Variants in ING5 observed in about 807,000 individuals in gnomAD.
ING5 encodes the protein inhibitor of growth family member 5.
In ING5, 17 loss-of-function variants were observed where a neutral mutation model predicts 37.4. The ratio of observed to expected loss-of-function variants is 0.45; its 90% CI spans 0.31 to 0.68. ING5 has a LOEUF of 0.68. Ranked by LOEUF, ING5 falls within the 30% of genes least tolerant of loss-of-function variation. The pLI, the probability that ING5 is intolerant of heterozygous loss-of-function variation, is 0.05. For missense variants in ING5, 233 were observed against 311.9 expected, an observed-to-expected ratio of 0.75 and a Z score of 1.91; for synonymous variants, 123 against 116.6, an observed-to-expected ratio of 1.06 and a Z score of -0.36.
chr2:241,707,672 A>G (rs554836577), intron 2 of ING5, among the ~76,000 whole-genome samples: 4 of 152,310 alleles, frequency 2.6e-5, no homozygotes, highest in Admixed American at 2.0e-4. Flanking sequence ...ACAGAGAGTT[A>G]TTTTATTGTG....
At chr2:241,696,188 G>A (rs1179398483) in intron 2 of ING5, among the ~76,000 whole-genome samples, 2 of 152,074 alleles carry the variant, frequency 1.3e-5, no homozygotes, top group African/African-American at 2.4e-5. Context: ...TGAGGAGTTC[G>A]AGACCAGCCT....
intron 2 of ING5, among the ~76,000 whole-genome samples, chr2:241,705,404 T>C (rs1202211629): frequency 1.4e-5 from 2 of 144,652 alleles, no homozygotes; most frequent in East Asian, 2.1e-4. Flanking sequence ...CTTTTTTTTT[T>C]TTTTTTTTTT....
intron 5 of ING5, among the ~76,000 whole-genome samples, chr2:241,713,107 A>C (rs966921488): frequency 1.4e-5 from 2 of 145,832 alleles, no homozygotes. Flanking sequence ...CCCAAGCTGG[A>C]GTGCAATGGC....
At chr2:241,724,364 C>T (rs1242199940) in intron 7 of ING5, among the ~76,000 whole-genome samples, 3 of 152,148 alleles carry the variant, frequency 2.0e-5, no homozygotes, top group East Asian at 1.9e-4. Context: ...AGAAGGGGTA[C>T]GGAGGCTGTT....
chr2:241,718,134 T>A (rs961195998), intron 5 of ING5, among the ~76,000 whole-genome samples: 7 of 152,068 alleles, frequency 4.6e-5, no homozygotes, highest in African/African-American at 1.7e-4. Flanking sequence ...CGCCTCAGCC[T>A]TCCAAGTAGC....
intron 5 of ING5, among the ~76,000 whole-genome samples, chr2:241,713,019 GA>G (rs2070157896): frequency 6.8e-6 from 1 of 147,986 alleles, no homozygotes; most frequent in Non-Finnish European, 1.5e-5. Context: ...AAAATAAAGA[GA>G]AAAAAAGAGT....
chr2:241,723,086 C>A lies in ING5; in HGVS notation c.618+12C>A, dbSNP rs886771395. The A allele has an allele frequency of 1.9e-6, 3 of 1,614,130 alleles. No homozygotes were observed. The highest frequency in any genetic ancestry group is 2.5e-6 in the Non-Finnish European group (3 of 1,180,046). On this transcript the variant is annotated intron_variant, in intron 6 of 7. Coordinates refer to ENST00000313552, the MANE Select transcript of ING5 (RefSeq NM_032329.6). ...GTGACAATCCAGACGTGAGTGTCGC[C>A]TGCAGGATTCGCGCCATGGGGCGGG... is the stretch of plus-strand genomic sequence containing the variant.
At chr2:241,724,131 A>G (rs1317151123) in intron 7 of ING5, 3 of 1,120,048 alleles carry the variant, frequency 2.7e-6, no homozygotes, top group Non-Finnish European at 3.3e-6. Context: ...CTCAGAGGTC[A>G]TCGTGGCAGC....
At chr2:241,700,146 CTAAG>C (rs2069690981), upstream of ING5, among the ~76,000 whole-genome samples, 1 of 131,280 alleles carries the variant, frequency 7.6e-6, no homozygotes, top group African/African-American at 2.9e-5. Context: ...TTATGCCCGG[CTAAG>C]TTTTTTTTTT....
chr2:241,706,736 A>G (rs1396036472), intron 2 of ING5, among the ~76,000 whole-genome samples: 3 of 152,052 alleles, frequency 2.0e-5, no homozygotes, highest in Non-Finnish European at 4.4e-5. Context: ...GGTTGGGTAT[A>G]GAATCCTAGG....
chr2:241,723,926 C>A, intron 7 of ING5: 2 of 1,302,628 alleles, frequency 1.5e-6, no homozygotes, highest in African/African-American at 1.5e-5. Context: ...GGGAGGATGG[C>A]TTGAGCCTGG....
At chr2:241,689,453 A>C (rs974100595) in intron 1 of ING5, among the ~76,000 whole-genome samples, 2 of 152,122 alleles carry the variant, frequency 1.3e-5, no homozygotes, top group Non-Finnish European at 2.9e-5. Flanking sequence ...GAGACTTCCA[A>C]ATGGTAATGT....
At chr2:241,690,555 T>C (rs2069535253) in exon 2 of ING5, 1 of 398,354 alleles carries the variant, frequency 2.5e-6, no homozygotes, top group Non-Finnish European at 4.4e-6. Context: ...CCAGTGTCCT[T>C]CGTACTGCCA....
rs548250222 is a variant in ING5, at chr2:241,721,238, G to A, written c.483-1701G>A. ...CCCGGAATCGGCAGGAGGCTGAGAC[G>A]TAGACCCTTGCGTGCTGCTGTCAGA... is the stretch of plus-strand genomic sequence containing the variant. On this transcript the variant is annotated intron_variant, in intron 5 of 7. Coordinates refer to ENST00000313552, the MANE Select transcript of ING5 (RefSeq NM_032329.6). The A allele has an allele frequency of 1.5e-5, 15 of 985,562 alleles. No homozygotes were observed. In the East Asian group the frequency reaches 3.4e-4, roughly 22 times the overall value. 61.1% of individuals were successfully genotyped at this position (985,562 alleles called of 1,614,324 possible).
intron 1 of ING5, among the ~76,000 whole-genome samples, chr2:241,704,000 T>C (rs2069824417): frequency 6.6e-6 from 1 of 152,054 alleles, no homozygotes; most frequent in Non-Finnish European, 1.5e-5. Flanking sequence ...TAGGGGAAGA[T>C]CAAGGAGGAC....
chr2:241,722,893 C>G (rs2070465914), intron 5 of ING5, 46 bp from the exon 6 acceptor site: 1 of 1,609,054 alleles, frequency 6.2e-7, no homozygotes, highest in African/African-American at 1.3e-5. Context: ...TGCCGCCTCA[C>G]TTCCCACCAT....
At chr2:241,702,038 C>A, upstream of ING5, 1 of 1,368,454 alleles carries the variant, frequency 7.3e-7, no homozygotes, top group Non-Finnish European at 9.5e-7. Flanking sequence ...CCCGCCCGCG[C>A]AGACCCCGAG....
chr2:241,688,227 G>A (rs1286846195), intron 1 of ING5, among the ~76,000 whole-genome samples: 1 of 152,188 alleles, frequency 6.6e-6, no homozygotes, highest in Non-Finnish European at 1.5e-5. Flanking sequence ...ACCAGACGAG[G>A]CACTCTTACC....
At position 241,728,719 on chromosome 2, in the gene ING5, C is replaced by G. The variant is rs191052718; in HGVS notation, c.*3688C>G. On this transcript the variant is annotated 3_prime_UTR_variant, in exon 8 of 8. Coordinates refer to ENST00000313552, the MANE Select transcript of ING5 (RefSeq NM_032329.6). ...GACCCCTGGGCGGGTGGACATGAGA[C>G]CACTGTTGGCCAGGGACGCCGTGCG... 1 of 152,000 alleles carries G rather than the reference C, an allele frequency of 6.6e-6. No homozygotes were observed. Among genetic ancestry groups the G allele is most frequent in the East Asian group, 1.9e-4 (1 of 5,172 alleles). 9.4% of individuals were successfully genotyped at this position (152,000 alleles called of 1,614,324 possible).
Sources: gnomAD v4.1 joint callset for allele counts (sites outside exome capture counted in the v4.1 genomes callset) on GRCh38, gnomAD v4.1.1 for gene constraint, MANE v1.5 for transcripts, NCBI Gene and HGNC (gene_info 2026-07-23, HGNC 2026-07-21) for gene names.